PCDH9: variants seen among roughly 807,000 people sequenced by gnomAD.
PCDH9 encodes protocadherin-9.
A neutral mutation model predicts 70.6 loss-of-function variants in PCDH9; 24 were observed. The observed-to-expected ratio is 0.34, with a 90% CI of 0.25 to 0.48. PCDH9 has a LOEUF of 0.48. PCDH9 is among the 20% of genes least tolerant of loss of function. The pLI, the probability that PCDH9 is intolerant of heterozygous loss-of-function variation, is 0.99. For synonymous variants in PCDH9, 562 were observed against 558.5 expected, an observed-to-expected ratio of 1.01 and a Z score of -0.09; for missense variants, 1,281 against 1,503.6, an observed-to-expected ratio of 0.85 and a Z score of 2.45.
At chr13:66,839,923 A>T (rs1443958689) in intron 3 of PCDH9, among the ~76,000 whole-genome samples, 4 of 152,208 alleles carry the variant, frequency 2.6e-5, no homozygotes, top group Non-Finnish European at 4.4e-5. Context: ...CTGATTCACA[A>T]CTATTCAAAT....
intron 4 of PCDH9, among the ~76,000 whole-genome samples, chr13:66,322,293 A>G (rs1331794779): frequency 6.6e-6 from 1 of 151,924 alleles, no homozygotes; most frequent in Non-Finnish European, 1.5e-5. Context: ...GTGTAAATTA[A>G]CCTATGATCA....
At position 66,495,577 on chromosome 13, in the gene PCDH9, A is replaced by AATAC. The variant is rs542362281; in HGVS notation, c.3340+135629_3340+135632dup. Among the ~76,000 whole-genome samples, 56 of 151,048 alleles carry AATAC rather than the reference A, an allele frequency of 3.7e-4. No individual in the cohort carries two copies. In the East Asian group the frequency reaches 4.1e-3, roughly 11 times the overall value. ...CCATTCAATGTTTACTTGCAAAATAAATACATACATACATACATACATACC... is the reference window on the plus strand; with the variant it reads ...CCATTCAATGTTTACTTGCAAAATAAATACATACATACATACATACATACATACC... On this transcript the variant is annotated intron_variant, in intron 4 of 4. Transcript: ENST00000377865.
chr13:67,090,844 T>G (rs1032645991), intron 2 of PCDH9, among the ~76,000 whole-genome samples: 2 of 152,108 alleles, frequency 1.3e-5, no homozygotes, highest in African/African-American at 4.8e-5. Context: ...ATTTTGTAGA[T>G]GAAGAAACGG....
intron 3 of PCDH9, among the ~76,000 whole-genome samples, chr13:66,663,533 C>A (rs1566490225): frequency 1.3e-5 from 2 of 152,034 alleles, no homozygotes; most frequent in Non-Finnish European, 2.9e-5. Flanking sequence ...AGAAAAGTGA[C>A]CTATGTTCTA....
chr13:66,728,124 A>G (rs1031402847), intron 3 of PCDH9, among the ~76,000 whole-genome samples: 1 of 152,168 alleles, frequency 6.6e-6, no homozygotes, highest in East Asian at 1.9e-4. Context: ...ATATTTAATG[A>G]TATTTGCCAT....
intron 3 of PCDH9, among the ~76,000 whole-genome samples, chr13:66,833,751 T>C (rs1378384896): frequency 2.6e-5 from 4 of 152,210 alleles, no homozygotes; most frequent in Admixed American, 2.6e-4. Flanking sequence ...GTTTGCAGAA[T>C]AGGCATTTAT....
intron 2 of PCDH9, among the ~76,000 whole-genome samples, chr13:66,986,204 G>T (rs2139786167): frequency 6.6e-6 from 1 of 152,090 alleles, no homozygotes; most frequent in South Asian, 2.1e-4. Context: ...AAAACCATCA[G>T]ATCTCATGAG....
intron 4 of PCDH9, among the ~76,000 whole-genome samples, chr13:66,487,763 C>G (rs939900479): frequency 3.3e-5 from 5 of 152,188 alleles, no homozygotes; most frequent in African/African-American, 1.2e-4. Context: ...CCCCTCACCT[C>G]TATTACCAAC....
chr13:66,925,689 A>G (rs1036602094), intron 2 of PCDH9, among the ~76,000 whole-genome samples: 1 of 151,920 alleles, frequency 6.6e-6, no homozygotes, highest in East Asian at 1.9e-4. Flanking sequence ...TTTTTAATGT[A>G]TATTCCCTTT....
At position 66,959,749 on chromosome 13, in the gene PCDH9, T is replaced by G. The variant is rs201706696; in HGVS notation, c.3037-56144A>C. Among the ~76,000 whole-genome samples the G allele has an allele frequency of 3.4e-3, 316 of 94,108 alleles. 7 individuals carry two copies. In the East Asian group the frequency reaches 0.086, roughly 26 times the overall value. 61.7% of individuals were successfully genotyped at this position (94,108 alleles called of 152,430 possible). On this transcript the variant is annotated intron_variant, in intron 2 of 4. Coordinates refer to ENST00000377865, the MANE Select transcript of PCDH9 (RefSeq NM_203487.3). ...CTGGGCAACAGAGTGAGACCCCGTC[T>G]CAAAAAAAAAAAAAAGAAAGAAAAA...
chr13:66,554,985 C>T (rs1207694047), intron 4 of PCDH9, among the ~76,000 whole-genome samples: 1 of 152,114 alleles, frequency 6.6e-6, no homozygotes, highest in Non-Finnish European at 1.5e-5. Flanking sequence ...GCCTGACCAA[C>T]ATGGAGAAAC....
At chr13:66,708,407 T>TG (rs1423531613) in intron 3 of PCDH9, among the ~76,000 whole-genome samples, 5 of 150,946 alleles carry the variant, frequency 3.3e-5, no homozygotes, top group African/African-American at 4.9e-5. Context: ...GATTTAGTTT[T>TG]TTTTTTTTTT....
At chr13:66,968,721 T>C (rs368880444) in intron 2 of PCDH9, among the ~76,000 whole-genome samples, 3 of 152,034 alleles carry the variant, frequency 2.0e-5, no homozygotes, top group South Asian at 4.1e-4. Context: ...CAAGTACAAA[T>C]GCCCATATCA....
chr13:66,698,933 G>A (rs553750959), intron 3 of PCDH9, among the ~76,000 whole-genome samples: 1 of 116,954 alleles, frequency 8.6e-6, no homozygotes, highest in Non-Finnish European at 1.7e-5. Context: ...TGTTGTTGTT[G>A]AGATGGAGTC....
intron 3 of PCDH9, among the ~76,000 whole-genome samples, chr13:66,759,356 G>A (rs1425702948): frequency 6.6e-6 from 1 of 151,870 alleles, no homozygotes; most frequent in African/African-American, 2.4e-5. Context: ...TCCATCCCTT[G>A]ACTTTCAGTG....
chr13:66,655,622 T>G (rs1307391551), intron 3 of PCDH9, among the ~76,000 whole-genome samples: 1 of 152,122 alleles, frequency 6.6e-6, no homozygotes, highest in Non-Finnish European at 1.5e-5. Context: ...ATAAAAAGTG[T>G]TAAGACAAAT....
intron 4 of PCDH9, among the ~76,000 whole-genome samples, chr13:66,409,849 G>C (rs367954317): frequency 6.6e-6 from 1 of 152,148 alleles, no homozygotes; most frequent in African/African-American, 2.4e-5. Context: ...GCTGGTCTAA[G>C]TACAACCTTC....
intron 3 of PCDH9, among the ~76,000 whole-genome samples, chr13:66,663,235 G>A (rs963019756): frequency 6.6e-6 from 1 of 151,998 alleles, no homozygotes; most frequent in Non-Finnish European, 1.5e-5. Context: ...TTGATGTCCT[G>A]GATACTTAAC....
At chr13:66,546,090 G>A (rs191776665) in intron 4 of PCDH9, among the ~76,000 whole-genome samples, 80 of 151,366 alleles carry the variant, frequency 5.3e-4, no homozygotes, top group African/African-American at 1.8e-3. Flanking sequence ...CATCCATCTC[G>A]GCCTCCCAAA....
Sources: allele counts gnomAD v4.1 joint callset (sites outside exome capture counted in the v4.1 genomes callset), GRCh38; gene constraint gnomAD v4.1.1; transcripts MANE v1.5; gene names NCBI Gene and HGNC (gene_info 2026-07-23, HGNC 2026-07-21).